OCA2: variants seen among roughly 807,000 people sequenced by gnomAD.
The protein encoded by OCA2 is P protein.
OCA2 carries 77 observed loss-of-function variants against 100.2 expected under a neutral mutation model. The ratio of observed to expected loss-of-function variants is 0.77; its 90% CI spans 0.64 to 0.93. OCA2 has a LOEUF of 0.93. OCA2 is among the 40% of genes least tolerant of loss of function. The pLI, the probability that OCA2 is intolerant of heterozygous loss-of-function variation, is 0.00. For synonymous variants in OCA2, 432 were observed against 439.2 expected (o/e 0.98, Z 0.21); for missense variants, 1,062 against 1,089.1 (o/e 0.98, Z 0.35).
intron 21 of OCA2, among the ~76,000 whole-genome samples, chr15:27,861,330 A>G (rs1288816025): frequency 2.0e-5 from 3 of 152,154 alleles, no homozygotes; most frequent in Non-Finnish European, 2.9e-5. Flanking sequence ...TAAGTCTGTA[A>G]CACCTGCAGT....
chr15:27,803,336 C>G (rs943798405), intron 23 of OCA2, among the ~76,000 whole-genome samples: 1 of 152,120 alleles, frequency 6.6e-6, no homozygotes, highest in Non-Finnish European at 1.5e-5. Context: ...ACCCAGTATC[C>G]GTTGACAGAT....
intron 9 of OCA2, among the ~76,000 whole-genome samples, chr15:28,002,683 C>T (rs866520046): frequency 1.3e-5 from 2 of 152,152 alleles, no homozygotes; most frequent in African/African-American, 4.8e-5. Flanking sequence ...GGGCTCCAGG[C>T]CACGCGGGAG....
At position 28,018,482 on chromosome 15, in the gene OCA2, G is replaced by C. The variant is rs2305253; in HGVS notation, c.722C>G (p.Pro241Arg). ...DLAGALVASG[P>R]SRPGREEHIV... ...GTGCTCTTCCCTCCCAGGACGACTC[G>C]GCCCACTGGCCACTAGGGCCCCTGC... Residue 241 changes from proline (P) to arginine (R), a missense_variant, in exon 7 of 24, where the codon CCG becomes CGG. Pro to Arg is a moderately radical substitution (Grantham distance 103). Coordinates refer to ENST00000354638, the MANE Select transcript of OCA2 (RefSeq NM_000275.3). 1.4e-3 allele frequency: 2,238 copies of C among 1,613,584 alleles called. 54 individuals carry two copies. The East Asian group carries it at 0.044, about 32-fold the overall frequency.
At chr15:27,842,964 A>C in intron 23 of OCA2, among the ~76,000 whole-genome samples, 1 of 152,186 alleles carries the variant, frequency 6.6e-6, no homozygotes, top group African/African-American at 2.4e-5. Context: ...GTGGACGCAA[A>C]CCCTTTCAGT....
At chr15:27,874,564 G>A (rs2036711226) in intron 19 of OCA2, among the ~76,000 whole-genome samples, 1 of 152,172 alleles carries the variant, frequency 6.6e-6, no homozygotes, top group Non-Finnish European at 1.5e-5. Context: ...AATGAGAGCA[G>A]AAACAACCAA....
intron 8 of OCA2, 107 bp downstream of exon 8, chr15:28,015,997 C>T: frequency 1.2e-6 from 1 of 844,656 alleles, no homozygotes; most frequent in Non-Finnish European, 2.1e-6. Flanking sequence ...AAGTCACATG[C>T]TGACCTGGTG....
intron 17 of OCA2, among the ~76,000 whole-genome samples, chr15:27,952,994 C>G (rs965810613): frequency 6.6e-6 from 1 of 152,192 alleles, no homozygotes; most frequent in Admixed American, 6.5e-5. Flanking sequence ...GCATCAGATC[C>G]TTTCTTGAGT....
the OCA2 span, among the ~76,000 whole-genome samples, chr15:27,725,808 G>A: frequency 6.6e-6 from 1 of 151,866 alleles, no homozygotes; most frequent in Non-Finnish European, 1.5e-5. Context: ...ATTTGAAGAG[G>A]GTCAGCTTTT....
chr15:27,994,768 G>GT (rs2041669162), intron 9 of OCA2, among the ~76,000 whole-genome samples: 1 of 152,216 alleles, frequency 6.6e-6, no homozygotes, highest in African/African-American at 2.4e-5. Context: ...AAAGGAAAGA[G>GT]TTTGGGGGCA....
intron 11 of OCA2, among the ~76,000 whole-genome samples, chr15:27,987,854 C>T (rs1198472141): frequency 6.6e-6 from 1 of 152,130 alleles, no homozygotes; most frequent in Non-Finnish European, 1.5e-5. Context: ...ATTCAAATTA[C>T]AATACTCAGT....
At chr15:27,929,146 A>T (rs2039153840) in intron 18 of OCA2, among the ~76,000 whole-genome samples, 1 of 152,224 alleles carries the variant, frequency 6.6e-6, no homozygotes, top group South Asian at 2.1e-4. Context: ...TAACAAACTG[A>T]TTCTAAAATT....
chr15:28,097,347 A>T (rs1433487366), intron 1 of OCA2, among the ~76,000 whole-genome samples: 1 of 152,232 alleles, frequency 6.6e-6, no homozygotes, highest in African/African-American at 2.4e-5. Flanking sequence ...CGGAAACCCA[A>T]CAACCAGCGA....
At chr15:27,739,363 G>T in the OCA2 span, among the ~76,000 whole-genome samples, 1 of 150,270 alleles carries the variant, frequency 6.7e-6, no homozygotes, top group Non-Finnish European at 1.5e-5. Flanking sequence ...GATTTAAGTT[G>T]TTCCTTGGAG....
intron 1 of OCA2, among the ~76,000 whole-genome samples, chr15:28,090,342 A>C (rs1018609855): frequency 6.6e-6 from 1 of 152,220 alleles, no homozygotes. Context: ...CAACACCATC[A>C]ACCAATAGAA....
At chr15:27,889,563 A>G (rs146939882) in intron 19 of OCA2, among the ~76,000 whole-genome samples, 2,364 of 152,186 alleles carry the variant, frequency 0.016, 53 homozygotes, top group African/African-American at 0.05. Flanking sequence ...TTTCTCCTTC[A>G]CACTTCTGAG....
chr15:27,755,267 T>A lies in OCA2; in HGVS notation c.*121A>T. ...GTCAAGGTCTATTCCACTGTGTCTCTGTAGCATCTCCAGGGTAAGCACCTT... is the reference window on the plus strand; with the variant it reads ...GTCAAGGTCTATTCCACTGTGTCTCAGTAGCATCTCCAGGGTAAGCACCTT... On this transcript the variant is annotated 3_prime_UTR_variant, in exon 24 of 24. Coordinates refer to ENST00000354638, the MANE Select transcript of OCA2 (RefSeq NM_000275.3). 3 of 729,476 alleles carry A rather than the reference T, an allele frequency of 4.1e-6. No individual in the cohort carries two copies. 45.2% of individuals were successfully genotyped at this position (729,476 alleles called of 1,614,324 possible).
At chr15:27,802,623 C>T (rs2311472) in intron 23 of OCA2, among the ~76,000 whole-genome samples, 1 of 151,858 alleles carries the variant, frequency 6.6e-6, no homozygotes, top group African/African-American at 2.4e-5. Context: ...AATAAACTCA[C>T]ATACATAACT....
chr15:27,803,040 A>C (rs2151182577), intron 23 of OCA2, among the ~76,000 whole-genome samples: 1 of 152,350 alleles, frequency 6.6e-6, no homozygotes, highest in Non-Finnish European at 1.5e-5. Context: ...TCTAGAGCAT[A>C]TAAAGGACTC....
chr15:27,845,577 G>A (rs72710541), intron 22 of OCA2, among the ~76,000 whole-genome samples: 6,462 of 152,174 alleles, frequency 0.042, 164 homozygotes, highest in South Asian at 0.061. Context: ...TTTTATGACC[G>A]TGCACACATG....
Sources: allele counts gnomAD v4.1 joint callset (sites outside exome capture counted in the v4.1 genomes callset), GRCh38; gene constraint gnomAD v4.1.1; transcripts MANE v1.5; gene names NCBI Gene and HGNC (gene_info 2026-07-23, HGNC 2026-07-21).